The following WDPCP variants were observed in gnomAD, a reference collection of about 807,000 sequenced individuals.
WDPCP encodes the protein WD repeat containing planar cell polarity effector, also known as WD repeat-containing and planar cell polarity effector protein fritz homolog.
A neutral mutation model predicts 93.1 loss-of-function variants in WDPCP; 71 were observed. The ratio of observed to expected loss-of-function variants is 0.76; its 90% CI spans 0.63 to 0.93. The LOEUF (loss-of-function observed/expected upper bound fraction) is 0.93, where lower values mean the gene tolerates loss of function less well. Ranked by LOEUF, WDPCP falls within the 40% of genes least tolerant of loss-of-function variation. The pLI, the probability that WDPCP is intolerant of heterozygous loss-of-function variation, is 0.00. For synonymous variants in WDPCP, 315 were observed against 315.0 expected, an observed-to-expected ratio of 1.00 and a Z score of 0.00; for missense variants, 844 against 887.4, an observed-to-expected ratio of 0.95 and a Z score of 0.62.
intron 2 of WDPCP, among the ~76,000 whole-genome samples, chr2:63,699,589 G>A (rs771506377): frequency 3.9e-5 from 6 of 152,174 alleles, no homozygotes; most frequent in African/African-American, 7.2e-5. Context: ...TATGTTAAGG[G>A]AGGCAGAGGA....
At chr2:63,388,504 G>A (rs1692936158) in intron 10 of WDPCP, among the ~76,000 whole-genome samples, 1 of 152,168 alleles carries the variant, frequency 6.6e-6, no homozygotes, top group Non-Finnish European at 1.5e-5. Context: ...CCAAAGGATC[G>A]CAGCTCCTCG....
intron 1 of WDPCP, among the ~76,000 whole-genome samples, chr2:63,537,692 A>G (rs1210179008): frequency 1.3e-5 from 2 of 152,184 alleles, no homozygotes; most frequent in African/African-American, 4.8e-5. Flanking sequence ...GCCTCAGATT[A>G]GCCAAAACTT....
At chr2:63,589,097 G>GT (rs1558855425), upstream of WDPCP, 3 of 1,614,170 alleles carry the variant, frequency 1.9e-6, no homozygotes, top group Non-Finnish European at 8.5e-7. Flanking sequence ...GCGCCCTTGA[G>GT]TGGGGTTTCT....
rs191365288 is a variant in WDPCP, at chr2:63,520,157, C to T, written c.76-27217G>A. ...TCTCAGAGCTTGAAGACTGGTTCTC[C>T]AAAATAACTCAGTCAGACAAAAATA... On this transcript the variant is annotated intron_variant, in intron 1 of 17. Coordinates refer to ENST00000272321, the MANE Select transcript of WDPCP (RefSeq NM_015910.7). 6.6e-5 allele frequency among the ~76,000 whole-genome samples: 10 copies of T among 152,004 alleles called. No homozygotes were observed. The South Asian group carries it at 1.0e-3, about 16-fold the overall frequency.
chr2:63,413,887 T>A (rs1695209297), intron 9 of WDPCP, among the ~76,000 whole-genome samples: 1 of 151,328 alleles, frequency 6.6e-6, no homozygotes, highest in Admixed American at 6.6e-5. Context: ...GTCAGCAGAG[T>A]AAACAGACAA....
chr2:63,532,087 C>A (rs900594554), intron 1 of WDPCP, among the ~76,000 whole-genome samples: 1 of 151,936 alleles, frequency 6.6e-6, no homozygotes, highest in Non-Finnish European at 1.5e-5. Context: ...GTAGCCTATT[C>A]CATCAAGTGG....
chr2:63,389,830 C>T (rs1693067709), intron 10 of WDPCP, among the ~76,000 whole-genome samples: 1 of 152,120 alleles, frequency 6.6e-6, no homozygotes. Flanking sequence ...GGGATCAATT[C>T]AACAAGAAGA....
intron 13 of WDPCP, among the ~76,000 whole-genome samples, chr2:63,293,983 A>T (rs1030431614): frequency 4.6e-5 from 7 of 152,252 alleles, no homozygotes; most frequent in African/African-American, 1.7e-4. Flanking sequence ...ATTTGATGAA[A>T]GGTATGAATA....
At chr2:63,438,149 T>C (rs768581765) in intron 7 of WDPCP, 6 of 490,616 alleles carry the variant, frequency 1.2e-5, no homozygotes, top group African/African-American at 2.0e-5. Flanking sequence ...AGCACACAAG[T>C]AGGTAAATAA....
intron 2 of WDPCP, among the ~76,000 whole-genome samples, chr2:63,734,858 G>GAGAT (rs148524714): frequency 1.3e-4 from 18 of 136,044 alleles, no homozygotes; most frequent in African/African-American, 4.1e-4. Context: ...TAGATAGATG[G>GAGAT]AGATAGATAG....
At chr2:63,259,081 AATG>A (rs1187403651) in intron 14 of WDPCP, among the ~76,000 whole-genome samples, 1 of 152,194 alleles carries the variant, frequency 6.6e-6, no homozygotes, top group East Asian at 1.9e-4. Flanking sequence ...CTTTTTGCTA[AATG>A]ATGACTATAG....
At chr2:63,619,991 C>A (rs1709715021) in intron 3 of WDPCP, among the ~76,000 whole-genome samples, 1 of 152,218 alleles carries the variant, frequency 6.6e-6, no homozygotes, top group African/African-American at 2.4e-5. Flanking sequence ...CATTCCGGCC[C>A]AGATACTACG....
chr2:63,370,913 CT>C (rs1691323804), intron 12 of WDPCP, among the ~76,000 whole-genome samples: 1 of 108,398 alleles, frequency 9.2e-6, no homozygotes, highest in Non-Finnish European at 2.3e-5. Context: ...TTTAAACTTC[CT>C]TCCTTCTTTC....
chr2:63,522,497 A>ACACACAC (rs1703017960), intron 1 of WDPCP, among the ~76,000 whole-genome samples: 4 of 73,706 alleles, frequency 5.4e-5, no homozygotes, highest in East Asian at 5.4e-4. Flanking sequence ...CACACACACA[A>ACACACAC]ACATACAAAA....
intron 1 of WDPCP, among the ~76,000 whole-genome samples, chr2:63,521,605 T>C (rs1483381452): frequency 6.6e-6 from 1 of 152,040 alleles, no homozygotes; most frequent in Non-Finnish European, 1.5e-5. Context: ...ATTGACAGTA[T>C]TAGACAGATC....
At chr2:63,560,627 A>G (rs759993961) in intron 1 of WDPCP, among the ~76,000 whole-genome samples, 1 of 152,246 alleles carries the variant, frequency 6.6e-6, no homozygotes, top group Non-Finnish European at 1.5e-5. Flanking sequence ...TGTGGCACAT[A>G]TACACCATGG....
chr2:63,146,406 GTT>G (rs33976806), intron 17 of WDPCP, among the ~76,000 whole-genome samples: 15,207 of 130,326 alleles, frequency 0.12, 758 homozygotes, highest in Middle Eastern at 0.21. Flanking sequence ...TTGAGAGCGT[GTT>G]TTTTTTTTTT....
intron 2 of WDPCP, among the ~76,000 whole-genome samples, chr2:63,658,693 C>T (rs1409755628): frequency 6.6e-6 from 1 of 152,188 alleles, no homozygotes; most frequent in Non-Finnish European, 1.5e-5. Context: ...CAATAGTTTG[C>T]ACCCCCAACC....
At chr2:63,245,495 A>G (rs1680200694) in intron 14 of WDPCP, among the ~76,000 whole-genome samples, 1 of 152,204 alleles carries the variant, frequency 6.6e-6, no homozygotes, top group African/African-American at 2.4e-5. Context: ...ACTATAAATG[A>G]CTTGTATACA....
Sources: gnomAD v4.1 joint callset for allele counts (sites outside exome capture counted in the v4.1 genomes callset) on GRCh38, gnomAD v4.1.1 for gene constraint, MANE v1.5 for transcripts, NCBI Gene and HGNC (gene_info 2026-07-23, HGNC 2026-07-21) for gene names.